The following KCNH7 variants were observed in gnomAD, a reference collection of about 807,000 sequenced individuals.
KCNH7 encodes the protein voltage-gated inwardly rectifying potassium channel KCNH7.
Under a neutral mutation model 120.8 loss-of-function variants are expected in KCNH7, and 49 were observed. That is an observed-to-expected ratio of 0.41 (90% CI 0.32 to 0.51). The LOEUF (loss-of-function observed/expected upper bound fraction) is 0.51, where lower values mean the gene tolerates loss of function less well. Ranked by LOEUF, KCNH7 falls within the 20% of genes least tolerant of loss-of-function variation. KCNH7 has a pLI of 0.38. For synonymous variants in KCNH7, 547 were observed against 516.1 expected (o/e 1.06, Z -0.81); for missense variants, 1,097 against 1,446.6 (o/e 0.76, Z 3.92).
At chr2:162,410,041 AT>A (rs1162024836) in intron 9 of KCNH7, among the ~76,000 whole-genome samples, 23 of 152,106 alleles carry the variant, frequency 1.5e-4, no homozygotes, top group Non-Finnish European at 2.6e-4. Flanking sequence ...ATTCCTGTCA[AT>A]GTACCAAAGT....
chr2:162,740,623 CA>C lies in KCNH7; in HGVS notation c.307+95913del, dbSNP rs372068979. Among the ~76,000 whole-genome samples, 90 of 152,316 alleles carry C rather than the reference CA, an allele frequency of 5.9e-4. 1 individual carries two copies. Among genetic ancestry groups the C allele is most frequent in the African/African-American group, 2.1e-3 (89 of 41,582 alleles). ...ACGGTAATGATGTTTCAATAGAAAT[CA>C]AATTTGAATCCTGAGACTGGTGTAC... On this transcript the variant is annotated intron_variant, in intron 2 of 15. Coordinates refer to ENST00000332142, the MANE Select transcript of KCNH7 (RefSeq NM_033272.4).
chr2:162,736,391 G>C (rs988481922), intron 2 of KCNH7, among the ~76,000 whole-genome samples: 1 of 152,190 alleles, frequency 6.6e-6, no homozygotes, highest in African/African-American at 2.4e-5. Context: ...GAAACCTGTG[G>C]ATGTTGATGC....
intron 4 of KCNH7, among the ~76,000 whole-genome samples, chr2:162,513,158 TC>T (rs1691137765): frequency 3.9e-5 from 2 of 51,196 alleles, no homozygotes; most frequent in Non-Finnish European, 5.3e-5. Context: ...CCTTCCTCCC[TC>T]CCTCCCTCCC....
At chr2:162,426,399 T>C (rs1442704275) in intron 8 of KCNH7, among the ~76,000 whole-genome samples, 3 of 152,186 alleles carry the variant, frequency 2.0e-5, no homozygotes, top group South Asian at 2.1e-4. Flanking sequence ...ATTTAGTTGA[T>C]GCCCAACTGG....
chr2:162,453,018 T>A (rs551255195), intron 6 of KCNH7, among the ~76,000 whole-genome samples: 1 of 152,230 alleles, frequency 6.6e-6, no homozygotes, highest in East Asian at 1.9e-4. Flanking sequence ...GGTATACATG[T>A]ACCATGGTGG....
At chr2:162,562,562 A>G (rs1693110698) in intron 2 of KCNH7, among the ~76,000 whole-genome samples, 1 of 152,122 alleles carries the variant, frequency 6.6e-6, no homozygotes, top group Admixed American at 6.5e-5. Context: ...CGCTCAGGTA[A>G]AAGTACTCGG....
chr2:162,441,409 C>T (rs1688410997), intron 7 of KCNH7, among the ~76,000 whole-genome samples: 2 of 152,076 alleles, frequency 1.3e-5, no homozygotes, highest in African/African-American at 4.8e-5. Context: ...TGATCAGAAT[C>T]CCTCTTTTCT....
chr2:162,506,366 C>G (rs1043401327), intron 5 of KCNH7, among the ~76,000 whole-genome samples: 3 of 151,746 alleles, frequency 2.0e-5, no homozygotes, highest in Non-Finnish European at 2.9e-5. Flanking sequence ...GTAATGCATA[C>G]CAGGATAGTG....
Position 162,479,897 on chromosome 2 carries a change from A to G in KCNH7, c.1128+24546T>C, listed in dbSNP as rs141657866. Reference sequence around the variant, plus strand: ...GAAAATAAATGCAGGCTGAACCTCAAAATAAGAGATGGAATTTATTTTAAT... The same window carrying G: ...GAAAATAAATGCAGGCTGAACCTCAGAATAAGAGATGGAATTTATTTTAAT... On this transcript the variant is annotated intron_variant, in intron 6 of 15. Coordinates refer to ENST00000332142, the MANE Select transcript of KCNH7 (RefSeq NM_033272.4). Among the ~76,000 whole-genome samples the G allele has an allele frequency of 3.3e-5, 5 of 152,308 alleles. No individual in the cohort carries two copies. The East Asian group carries it at 9.6e-4, about 29-fold the overall frequency.
intron 2 of KCNH7, among the ~76,000 whole-genome samples, chr2:162,678,656 C>G (rs1685607987): frequency 6.6e-6 from 1 of 151,394 alleles, no homozygotes; most frequent in African/African-American, 2.4e-5. Context: ...GCTTTAGAGT[C>G]CATGAGAGTA....
At chr2:162,652,697 C>T (rs981686522) in intron 2 of KCNH7, among the ~76,000 whole-genome samples, 2 of 152,148 alleles carry the variant, frequency 1.3e-5, no homozygotes, top group African/African-American at 2.4e-5. Flanking sequence ...TAACAGGCCA[C>T]GGACTGTCAC....
chr2:162,730,125 A>G (rs1687675608), intron 2 of KCNH7, among the ~76,000 whole-genome samples: 1 of 151,820 alleles, frequency 6.6e-6, no homozygotes, highest in Admixed American at 6.6e-5. Context: ...ACATGGCCAA[A>G]TTAGAAAACT....
chr2:162,704,470 T>C (rs551045743), intron 2 of KCNH7, among the ~76,000 whole-genome samples: 1 of 152,326 alleles, frequency 6.6e-6, no homozygotes, highest in East Asian at 1.9e-4. Context: ...GTATAGAAAT[T>C]ACAGCATCTG....
chr2:162,698,202 A>G (rs1229938388), intron 2 of KCNH7, among the ~76,000 whole-genome samples: 1 of 152,174 alleles, frequency 6.6e-6, no homozygotes, highest in Non-Finnish European at 1.5e-5. Context: ...GATTTTATAC[A>G]TATGAATGAA....
At chr2:162,444,093 C>T (rs1235449487) in intron 7 of KCNH7, among the ~76,000 whole-genome samples, 2 of 152,198 alleles carry the variant, frequency 1.3e-5, no homozygotes, top group Admixed American at 6.5e-5. Context: ...TTCTCTATCA[C>T]ATCCACCTGC....
intron 2 of KCNH7, chr2:162,797,635 T>C (rs1684191340): frequency 6.6e-6 from 1 of 152,094 alleles, no homozygotes; most frequent in Admixed American, 6.6e-5. Context: ...AAACCCTTGA[T>C]CTGTGACATA....
intron 6 of KCNH7, among the ~76,000 whole-genome samples, chr2:162,453,529 G>A (rs1220522518): frequency 6.6e-6 from 1 of 152,146 alleles, no homozygotes; most frequent in Admixed American, 6.5e-5. Context: ...GATTCTTGAG[G>A]AATTGCCACA....
chr2:162,556,657 C>T lies in KCNH7; in HGVS notation c.308-19577G>A, dbSNP rs147218016. Among the ~76,000 whole-genome samples, 943 of 152,194 alleles carry T rather than the reference C, an allele frequency of 6.2e-3. 18 individuals carry two copies. Among genetic ancestry groups the T allele is most frequent in the African/African-American group, 0.022 (898 of 41,522 alleles). ...TCCATCTTACTGAGTCTTTAAAATCCATTCCTTTTTAACATAAATTCAAAT... is the reference window on the plus strand; with the variant it reads ...TCCATCTTACTGAGTCTTTAAAATCTATTCCTTTTTAACATAAATTCAAAT... On this transcript the variant is annotated intron_variant, in intron 2 of 15. Transcript: ENST00000332142.
intron 4 of KCNH7, among the ~76,000 whole-genome samples, chr2:162,513,507 T>TCCTTCCTTCCTTCTG (rs2105776419): frequency 6.9e-6 from 1 of 144,250 alleles, no homozygotes; most frequent in Admixed American, 7.0e-5. Flanking sequence ...CCTTCCTTCT[T>TCCTTCCTTCCTTCTG]TCCTTCCTTC....
Sources: allele counts gnomAD v4.1 joint callset (sites outside exome capture counted in the v4.1 genomes callset), GRCh38; gene constraint gnomAD v4.1.1; transcripts MANE v1.5; gene names NCBI Gene and HGNC (gene_info 2026-07-23, HGNC 2026-07-21).